Variants in NOL4 observed in about 807,000 individuals in gnomAD.
NOL4 encodes cancer/testis antigen 125.
NOL4 carries 17 observed loss-of-function variants against 75.9 expected under a neutral mutation model. The observed-to-expected ratio is 0.22, with a 90% CI of 0.15 to 0.34. The LOEUF is 0.34. NOL4 is among the 10% of genes least tolerant of loss of function. NOL4 has a pLI of 1.00. For missense variants in NOL4, 614 were observed against 793.5 expected, an observed-to-expected ratio of 0.77 and a Z score of 2.72; for synonymous variants, 292 against 289.9, an observed-to-expected ratio of 1.01 and a Z score of -0.07.
At chr18:34,136,160 A>C (rs2080882533) in intron 1 of NOL4, among the ~76,000 whole-genome samples, 1 of 152,190 alleles carries the variant, frequency 6.6e-6, no homozygotes, top group Non-Finnish European at 1.5e-5. Flanking sequence ...AAAAATTCTA[A>C]GTAAATTAGG....
intron 5 of NOL4, among the ~76,000 whole-genome samples, chr18:34,080,877 T>C (rs2077979503): frequency 6.6e-6 from 1 of 152,226 alleles, no homozygotes; most frequent in Non-Finnish European, 1.5e-5. Context: ...AATTTGATTG[T>C]TAAACTACAT....
chr18:34,120,308 A>G (rs538280449), intron 2 of NOL4, among the ~76,000 whole-genome samples: 4 of 152,338 alleles, frequency 2.6e-5, no homozygotes, highest in African/African-American at 9.6e-5. Flanking sequence ...GCACAGGTAT[A>G]CATACATTTT....
chr18:34,179,628 A>G (rs2033863822), intron 1 of NOL4, among the ~76,000 whole-genome samples: 1 of 151,716 alleles, frequency 6.6e-6, no homozygotes, highest in African/African-American at 2.4e-5. Flanking sequence ...GAACAAATTC[A>G]TAGAAAGACC....
At position 33,957,421 on chromosome 18, in the gene NOL4, T is replaced by G; in HGVS notation, c.1333A>C (p.Arg445=). 1 of 1,613,790 alleles carries G rather than the reference T, an allele frequency of 6.2e-7. No individual in the cohort carries two copies. Among genetic ancestry groups the G allele is most frequent in the Non-Finnish European group, 8.5e-7 (1 of 1,179,816 alleles). ...EKIQAIIDSC[R]RQFPEYQERA... ...TCTTGATACTCAGGGAATTGTCGCC[T>G]GCATGAGTCAATGATAGCCTGGATC... The change falls in exon 8 of 11, where the codon AGG becomes CGG. Residue 445 remains arginine (R), a synonymous_variant. Transcript: ENST00000261592.
intron 5 of NOL4, among the ~76,000 whole-genome samples, chr18:34,045,377 A>G (rs1449804879): frequency 1.3e-5 from 2 of 152,104 alleles, no homozygotes; most frequent in Non-Finnish European, 2.9e-5. Flanking sequence ...TATTACCCCT[A>G]CCATTTATTC....
At chr18:33,856,124 G>A (rs1021822494) in intron 10 of NOL4, among the ~76,000 whole-genome samples, 15 of 152,040 alleles carry the variant, frequency 9.9e-5, no homozygotes, top group African/African-American at 3.6e-4. Flanking sequence ...AGATGTGTTG[G>A]TGCCTGGCAC....
intron 9 of NOL4, among the ~76,000 whole-genome samples, chr18:33,912,292 T>C (rs1019563423): frequency 2.0e-5 from 3 of 152,056 alleles, no homozygotes; most frequent in Admixed American, 1.3e-4. Context: ...AGTAGCATTT[T>C]GGAAGGAAGT....
chr18:33,867,867 A>G (rs140573345), intron 10 of NOL4, among the ~76,000 whole-genome samples: 4 of 152,142 alleles, frequency 2.6e-5, no homozygotes, highest in African/African-American at 9.6e-5. Context: ...AGAAGAACTA[A>G]TATTTCAGCT....
In NOL4 at chr18:34,170,137, A is replaced by C. The variant is rs769254303; in HGVS notation, c.265-40117T>G. ...GCAACATGTGGGTATTGAGCCCTTG[A>C]AATGTGAATAGTCTGAATTGAGATG... On this transcript the variant is annotated intron_variant, in intron 1 of 10. Coordinates refer to ENST00000261592, the MANE Select transcript of NOL4 (RefSeq NM_003787.5). Among the ~76,000 whole-genome samples, 100 of 152,146 alleles carry C rather than the reference A, an allele frequency of 6.6e-4. 1 individual carries two copies. The highest frequency in any genetic ancestry group is 4.8e-3 in the Admixed American group (74 of 15,274).
intron 9 of NOL4, among the ~76,000 whole-genome samples, chr18:33,920,289 G>A (rs1038828527): frequency 6.6e-6 from 1 of 152,098 alleles, no homozygotes; most frequent in Non-Finnish European, 1.5e-5. Flanking sequence ...GAATATATTG[G>A]TTGTACCCCA....
In NOL4 at chr18:34,222,968, CAG is replaced by C. The variant is rs748307036; in HGVS notation, c.264+20_264+21del. The stretch of plus-strand genomic sequence containing the variant: ...CCGGGCTGCTCCGGCAGACAAATAA[CAG>C]AGGAAGGCGAGTCACTCACCGTGGT... On this transcript the variant is annotated intron_variant, in intron 1 of 10. Coordinates refer to ENST00000261592, the MANE Select transcript of NOL4 (RefSeq NM_003787.5). 2 of 1,600,468 alleles carry C rather than the reference CAG, an allele frequency of 1.2e-6. No individual in the cohort carries two copies. The highest frequency in any genetic ancestry group is 1.3e-5 in the African/African-American group (1 of 74,818).
chr18:34,113,802 G>A (rs1012825796), intron 2 of NOL4, among the ~76,000 whole-genome samples: 16 of 152,256 alleles, frequency 1.1e-4, no homozygotes, highest in African/African-American at 2.4e-4. Flanking sequence ...GAAAGCCTAT[G>A]TGCCAATCCT....
At chr18:34,197,708 G>T (rs2035433266) in intron 1 of NOL4, among the ~76,000 whole-genome samples, 1 of 150,638 alleles carries the variant, frequency 6.6e-6, no homozygotes, top group South Asian at 2.1e-4. Flanking sequence ...TGGAGAGGGT[G>T]GTGGAAGGTG....
At chr18:34,028,803 G>A (rs1350458626) in intron 5 of NOL4, among the ~76,000 whole-genome samples, 1 of 152,186 alleles carries the variant, frequency 6.6e-6, no homozygotes, top group Non-Finnish European at 1.5e-5. Context: ...CACTAACTTC[G>A]TTAGTAGCTG....
chr18:34,053,787 A>C (rs1392990945), intron 5 of NOL4, among the ~76,000 whole-genome samples: 1 of 151,950 alleles, frequency 6.6e-6, no homozygotes, highest in African/African-American at 2.4e-5. Flanking sequence ...GATTTTTAAC[A>C]CAGTTTTTGA....
chr18:34,138,681 C>T (rs906541367), intron 1 of NOL4, among the ~76,000 whole-genome samples: 23 of 152,194 alleles, frequency 1.5e-4, no homozygotes, highest in African/African-American at 5.5e-4. Flanking sequence ...TTTCTCCTGC[C>T]TGATTGCCCT....
Position 34,019,516 on chromosome 18 carries a change from C to G in NOL4, c.858G>C (p.Met286Ile). The change falls in exon 6 of 11, where the codon ATG (methionine) becomes ATC (isoleucine). Residue 286 changes from methionine (M) to isoleucine (I), a missense_variant. Met to Ile is a conservative substitution (Grantham distance 10). Transcript: ENST00000261592. The stretch of plus-strand genomic sequence containing the variant: ...TTTTGCCATCACTGTTGGAGTCTCC[C>G]ATCTCCCTGCTGTGTGTTCCCCCTG... ...IASGGTHSRE[M>I]GDSNSDGKTG... is the part of the protein sequence containing the mutation. 1 of 1,614,010 alleles carries G rather than the reference C, an allele frequency of 6.2e-7. No individual in the cohort carries two copies. Among genetic ancestry groups the G allele is most frequent in the African/African-American group, 1.3e-5 (1 of 75,028 alleles).
At chr18:33,893,116 A>C (rs2065195581) in intron 9 of NOL4, among the ~76,000 whole-genome samples, 1 of 152,300 alleles carries the variant, frequency 6.6e-6, no homozygotes, top group Non-Finnish European at 1.5e-5. Context: ...AAAATCTATA[A>C]GAGATTAAAG....
intron 6 of NOL4, among the ~76,000 whole-genome samples, chr18:33,999,293 G>T (rs1489419874): frequency 6.6e-6 from 1 of 151,562 alleles, no homozygotes; most frequent in African/African-American, 2.4e-5. Flanking sequence ...GACTGTAGGT[G>T]TGTTCCATCA....
Sources: allele counts gnomAD v4.1 joint callset (sites outside exome capture counted in the v4.1 genomes callset), GRCh38; gene constraint gnomAD v4.1.1; transcripts MANE v1.5; gene names NCBI Gene and HGNC (gene_info 2026-07-23, HGNC 2026-07-21).